Variants in CIMIP3 observed in about 807,000 individuals in gnomAD.
The protein encoded by CIMIP3 is GUCA1A neighbor.
At chr6:42,157,285 T>A in the CIMIP3 span, among the ~76,000 whole-genome samples, 1 of 152,174 alleles carries the variant, frequency 6.6e-6, no homozygotes, top group East Asian at 1.9e-4. Context: ...TAGGCTGGAG[T>A]GCATTGGCTG....
At chr6:42,157,264 A>T in the CIMIP3 span, among the ~76,000 whole-genome samples, 1 of 152,044 alleles carries the variant, frequency 6.6e-6, no homozygotes, top group Admixed American at 6.6e-5. Context: ...ACAAGGTCTC[A>T]CTCTGTCACT....
the CIMIP3 span, among the ~76,000 whole-genome samples, chr6:42,159,591 A>G: frequency 6.6e-6 from 1 of 152,346 alleles, no homozygotes; most frequent in East Asian, 1.9e-4. Flanking sequence ...AGACTGGGAA[A>G]TCTGGCTGCC....
At chr6:42,162,913 C>G in the CIMIP3 span, 5 of 619,798 alleles carry the variant, frequency 8.1e-6, no homozygotes, top group Non-Finnish European at 1.5e-5. Flanking sequence ...TCTTTCCCCC[C>G]TCCCAGGACT....
At chr6:42,163,049 G>A in the CIMIP3 span, 2 of 717,602 alleles carry the variant, frequency 2.8e-6, no homozygotes, top group Non-Finnish European at 5.2e-6. Flanking sequence ...AGCAGCCTAT[G>A]TGCCGGTCGT....
chr6:42,156,215 C>T, the CIMIP3 span, among the ~76,000 whole-genome samples: 5 of 151,846 alleles, frequency 3.3e-5, no homozygotes, highest in Non-Finnish European at 5.9e-5. Flanking sequence ...AGGCTGGTCC[C>T]GAACTCCTGA....
the CIMIP3 span, among the ~76,000 whole-genome samples, chr6:42,157,964 A>G: frequency 2.0e-5 from 3 of 152,310 alleles, no homozygotes; most frequent in African/African-American, 7.2e-5. Flanking sequence ...TGTAGGATAC[A>G]TAGCAGCATC....
chr6:42,159,497 C>T, the CIMIP3 span, among the ~76,000 whole-genome samples: 43 of 152,292 alleles, frequency 2.8e-4, no homozygotes, highest in African/African-American at 9.9e-4. Context: ...AGACCTCACA[C>T]TTCCCAGTGT....
chr6:42,162,911 C>G, the CIMIP3 span: 2 of 615,720 alleles, frequency 3.2e-6, no homozygotes, highest in Non-Finnish European at 6.0e-6. Context: ...CTTCTTTCCC[C>G]CCTCCCAGGA....
chr6:42,155,486 G>C, the CIMIP3 span: 7 of 714,192 alleles, frequency 9.8e-6, no homozygotes, highest in Admixed American at 4.0e-5. Flanking sequence ...GATGTGCAAG[G>C]TGTGATGAAA....
chr6:42,160,089 C>T, the CIMIP3 span, among the ~76,000 whole-genome samples: 4 of 152,066 alleles, frequency 2.6e-5, no homozygotes, highest in African/African-American at 9.7e-5. Flanking sequence ...GGGTTCAAGC[C>T]ATCCTCCTGC....
chr6:42,155,698 G>A, the CIMIP3 span: 5 of 710,196 alleles, frequency 7.0e-6, no homozygotes, highest in South Asian at 3.0e-5. Context: ...GGGAGATGGA[G>A]AGAGGGAACA....
At chr6:42,156,026 C>T in the CIMIP3 span, among the ~76,000 whole-genome samples, 1 of 152,000 alleles carries the variant, frequency 6.6e-6, no homozygotes, top group Non-Finnish European at 1.5e-5. Flanking sequence ...TTGAGACTCG[C>T]TTTGTTGCCC....
the CIMIP3 span, among the ~76,000 whole-genome samples, chr6:42,162,182 G>A: frequency 6.7e-6 from 1 of 149,352 alleles, no homozygotes; most frequent in Non-Finnish European, 1.5e-5. Flanking sequence ...GGGAGGCCGA[G>A]GCGGGTGAAT....
At chr6:42,158,953 G>A in the CIMIP3 span, among the ~76,000 whole-genome samples, 1 of 152,160 alleles carries the variant, frequency 6.6e-6, no homozygotes, top group Non-Finnish European at 1.5e-5. Context: ...TGGGGGGTGG[G>A]GTATCTGCAG....
chr6:42,157,718 T>C, the CIMIP3 span, among the ~76,000 whole-genome samples: 2 of 152,160 alleles, frequency 1.3e-5, no homozygotes, highest in Non-Finnish European at 2.9e-5. Flanking sequence ...CTAGATTCCT[T>C]CTTTTGGCTT....
At chr6:42,161,992 G>A in the CIMIP3 span, among the ~76,000 whole-genome samples, 3 of 151,842 alleles carry the variant, frequency 2.0e-5, no homozygotes, top group Non-Finnish European at 4.4e-5. Context: ...TACAGGCTCT[G>A]GAAGTACCGG....
the CIMIP3 span, chr6:42,155,585 G>T: frequency 1.4e-6 from 1 of 717,474 alleles, no homozygotes; most frequent in South Asian, 1.5e-5. Flanking sequence ...TCACATGTGC[G>T]GCTGGGAGGT....
the CIMIP3 span, among the ~76,000 whole-genome samples, chr6:42,157,613 C>T: frequency 3.6e-3 from 546 of 151,128 alleles, 3 homozygotes; most frequent in African/African-American, 0.012. Flanking sequence ...TGATCTTGAA[C>T]TCTTGGCCTC....
At chr6:42,160,623 A>C in the CIMIP3 span, among the ~76,000 whole-genome samples, 1 of 152,174 alleles carries the variant, frequency 6.6e-6, no homozygotes, top group Non-Finnish European at 1.5e-5. Context: ...TGCCTGACTC[A>C]CCTTAGTCCC....
Sources: gnomAD v4.1 joint callset for allele counts (sites outside exome capture counted in the v4.1 genomes callset) on GRCh38, gnomAD v4.1.1 for gene constraint, MANE v1.5 for transcripts, NCBI Gene and HGNC (gene_info 2026-07-23, HGNC 2026-07-21) for gene names.